PDLIM5: variants seen among roughly 807,000 people sequenced by gnomAD.
The protein encoded by PDLIM5 is PDZ and LIM domain protein 5.
A neutral mutation model predicts 64.2 loss-of-function variants in PDLIM5; 34 were observed. The observed-to-expected ratio is 0.53, with a 90% CI of 0.40 to 0.71. PDLIM5 has a LOEUF of 0.71. Ranked by LOEUF, PDLIM5 falls within the 30% of genes least tolerant of loss-of-function variation. The pLI is 0.00. For synonymous variants in PDLIM5, 253 were observed against 269.1 expected, an observed-to-expected ratio of 0.94 and a Z score of 0.59; for missense variants, 683 against 733.6, an observed-to-expected ratio of 0.93 and a Z score of 0.80.
At position 94,664,186 on chromosome 4, in the gene PDLIM5, G is replaced by T; in HGVS notation, c.*119G>T. On this transcript the variant is annotated 3_prime_UTR_variant, in exon 13 of 13. Coordinates refer to ENST00000317968, the MANE Select transcript of PDLIM5 (RefSeq NM_006457.5). The stretch of plus-strand genomic sequence containing the variant: ...TTTGAAAAATAATAGTGGCCCTGAA[G>T]GAATAAATTCCAGCTTTAAAAACCA... 3 of 1,248,398 alleles carry T rather than the reference G, an allele frequency of 2.4e-6. No homozygotes were observed. Among genetic ancestry groups the T allele is most frequent in the Non-Finnish European group, 3.0e-6 (3 of 985,670 alleles). 77.3% of individuals were successfully genotyped at this position (1,248,398 alleles called of 1,614,324 possible).
intron 3 of PDLIM5, among the ~76,000 whole-genome samples, chr4:94,533,218 A>C (rs1731047024): frequency 6.6e-6 from 1 of 152,212 alleles, no homozygotes; most frequent in Non-Finnish European, 1.5e-5. Flanking sequence ...TTGACAATAA[A>C]CAGATCTGAT....
intron 2 of PDLIM5, among the ~76,000 whole-genome samples, chr4:94,504,407 C>T (rs1182281382): frequency 6.6e-6 from 1 of 152,130 alleles, no homozygotes; most frequent in Non-Finnish European, 1.5e-5. Context: ...CTGCCTCAGC[C>T]TCCCGAGTAG....
chr4:94,637,032 T>C (rs957185141), intron 8 of PDLIM5, among the ~76,000 whole-genome samples: 5 of 152,076 alleles, frequency 3.3e-5, no homozygotes, highest in African/African-American at 1.2e-4. Context: ...AAAAGGGACA[T>C]TTCCTTGGCT....
intron 9 of PDLIM5, among the ~76,000 whole-genome samples, chr4:94,641,268 T>C (rs903191081): frequency 6.6e-6 from 1 of 152,240 alleles, no homozygotes; most frequent in Admixed American, 6.5e-5. Context: ...AAACAGTGGC[T>C]TCTCTAAAGT....
Position 94,523,849 on chromosome 4 carries a change from A to C in PDLIM5, c.222A>C (p.Thr74=). ...LEAQNKIKGC[T]GSLNMTLQRA... ...CCCAGAATAAGATTAAGGGTTGTAC[A>C]GGCTCTTTGAATATGACTCTGCAAA... The change falls in exon 3 of 13, where the codon ACA becomes ACC. Residue 74 remains threonine (T), a synonymous_variant. Transcript: ENST00000317968. 6.2e-7 allele frequency: 1 copy of C among 1,613,184 alleles called. No individual in the cohort carries two copies. The highest frequency in any genetic ancestry group is 8.5e-7 in the Non-Finnish European group (1 of 1,179,306).
intron 2 of PDLIM5, among the ~76,000 whole-genome samples, chr4:94,465,956 C>CT (rs879478462): frequency 8.8e-5 from 13 of 148,452 alleles, no homozygotes; most frequent in African/African-American, 1.2e-4. Flanking sequence ...GTGTCTGTTT[C>CT]TTTTTTTTTT....
In PDLIM5 at chr4:94,509,355, A is replaced by C. The variant is rs116928820; in HGVS notation, c.97-14369A>C. Among the ~76,000 whole-genome samples, 63 of 152,208 alleles carry C rather than the reference A, an allele frequency of 4.1e-4. No individual in the cohort carries two copies. In the East Asian group the frequency reaches 0.011, roughly 28 times the overall value. ...CTGCTCTATTTTTCTTTTGTAGTAC[A>C]TCTTTTACTTCCAGACATTTTATTA... On this transcript the variant is annotated intron_variant, in intron 2 of 12. Coordinates refer to ENST00000317968, the MANE Select transcript of PDLIM5 (RefSeq NM_006457.5).
At chr4:94,656,382 T>C (rs1003181763) in intron 10 of PDLIM5, among the ~76,000 whole-genome samples, 4 of 152,040 alleles carry the variant, frequency 2.6e-5, no homozygotes, top group Non-Finnish European at 5.9e-5. Context: ...CTAACTAATA[T>C]CTGGCCCAAA....
intron 2 of PDLIM5, among the ~76,000 whole-genome samples, chr4:94,507,596 A>G (rs980506048): frequency 4.6e-5 from 7 of 152,360 alleles, no homozygotes; most frequent in East Asian, 1.9e-4. Flanking sequence ...TTAAGATTAC[A>G]GTAAAATATT....
At chr4:94,598,515 T>A (rs1174293479) in intron 7 of PDLIM5, among the ~76,000 whole-genome samples, 1 of 152,088 alleles carries the variant, frequency 6.6e-6, no homozygotes, top group Non-Finnish European at 1.5e-5. Flanking sequence ...TCCAAGTGGG[T>A]CTTTTCCTCT....
intron 7 of PDLIM5, among the ~76,000 whole-genome samples, chr4:94,610,684 T>C (rs1450846508): frequency 1.3e-5 from 2 of 152,188 alleles, no homozygotes; most frequent in Non-Finnish European, 2.9e-5. Context: ...CTTTAAAGGG[T>C]GATCTGAAGA....
At chr4:94,553,032 C>G (rs1310799108) in intron 3 of PDLIM5, among the ~76,000 whole-genome samples, 6 of 151,212 alleles carry the variant, frequency 4.0e-5, no homozygotes, top group Admixed American at 4.0e-4. Flanking sequence ...TACCTGGTCT[C>G]TTTTAGCAGA....
At chr4:94,560,940 G>C (rs549373557) in intron 3 of PDLIM5, among the ~76,000 whole-genome samples, 1 of 152,026 alleles carries the variant, frequency 6.6e-6, no homozygotes, top group Non-Finnish European at 1.5e-5. Context: ...TGTTAGCCAG[G>C]ATGGTCTTGA....
intron 2 of PDLIM5, among the ~76,000 whole-genome samples, chr4:94,486,998 GTC>G (rs1313270473): frequency 1.3e-5 from 2 of 152,090 alleles, no homozygotes; most frequent in Non-Finnish European, 2.9e-5. Context: ...GTAAGACCCT[GTC>G]TCTTAAAAAA....
At chr4:94,554,623 C>T (rs1170038398) in intron 3 of PDLIM5, among the ~76,000 whole-genome samples, 4 of 152,092 alleles carry the variant, frequency 2.6e-5, no homozygotes, top group Non-Finnish European at 4.4e-5. Flanking sequence ...TATACAATCA[C>T]GTAATTATAA....
intron 2 of PDLIM5, among the ~76,000 whole-genome samples, chr4:94,496,212 G>A (rs1578253001): frequency 6.6e-6 from 1 of 152,146 alleles, no homozygotes; most frequent in East Asian, 1.9e-4. Context: ...TGACTGTTAA[G>A]TAGAAATGAA....
intron 3 of PDLIM5, among the ~76,000 whole-genome samples, chr4:94,540,011 A>C (rs147913111): frequency 0.011 from 1,680 of 152,222 alleles, 15 homozygotes; most frequent in South Asian, 0.021. Context: ...ATATATAATA[A>C]TACTACTAAT....
intron 2 of PDLIM5, among the ~76,000 whole-genome samples, chr4:94,464,646 C>A (rs141015374): frequency 1.6e-4 from 25 of 152,298 alleles, no homozygotes; most frequent in Admixed American, 3.3e-4. Context: ...AGCTAGCTAT[C>A]GTGTTACACA....
chr4:94,589,746 CT>C (rs1250054662), intron 7 of PDLIM5, among the ~76,000 whole-genome samples: 1 of 150,008 alleles, frequency 6.7e-6, no homozygotes, highest in East Asian at 2.0e-4. Context: ...CTTTTCTTTT[CT>C]TTTCTTTTCT....
Sources: allele counts gnomAD v4.1 joint callset (sites outside exome capture counted in the v4.1 genomes callset), GRCh38; gene constraint gnomAD v4.1.1; transcripts MANE v1.5; gene names NCBI Gene and HGNC (gene_info 2026-07-23, HGNC 2026-07-21).